The following DAB1 variants were observed in gnomAD, a reference collection of about 807,000 sequenced individuals.
The protein encoded by DAB1 is disabled homolog 1.
In DAB1, 15 loss-of-function variants were observed where a neutral mutation model predicts 64.6. The ratio of observed to expected loss-of-function variants is 0.23; its 90% CI spans 0.16 to 0.36. The LOEUF (loss-of-function observed/expected upper bound fraction) is 0.36, where lower values mean the gene tolerates loss of function less well. Among genes scored for constraint, DAB1 ranks in the 10% least tolerant of loss-of-function variants. DAB1 has a pLI of 1.00. For synonymous variants in DAB1, 235 were observed against 251.9 expected (o/e 0.93, Z 0.64); for missense variants, 596 against 706.7 (o/e 0.84, Z 1.78).
chr1:57,416,288 C>T (rs1684487099), intron 1 of DAB1, among the ~76,000 whole-genome samples: 1 of 152,138 alleles, frequency 6.6e-6, no homozygotes, highest in Admixed American at 6.5e-5. Context: ...AGAGATGCTT[C>T]TGTTGGCATG....
intron 1 of DAB1, among the ~76,000 whole-genome samples, chr1:57,319,043 C>A (rs1272514459): frequency 6.6e-6 from 1 of 152,190 alleles, no homozygotes; most frequent in Non-Finnish European, 1.5e-5. Context: ...ATGTCATCAG[C>A]ATTGGAGATC....
At chr1:57,574,550 C>A (rs1289834691) in intron 7 of DAB1, among the ~76,000 whole-genome samples, 1 of 152,138 alleles carries the variant, frequency 6.6e-6, no homozygotes. Flanking sequence ...CTGACCAGTA[C>A]GAGATTCAAT....
chr1:57,741,334 G>T (rs1647981262), intron 6 of DAB1, among the ~76,000 whole-genome samples: 1 of 151,994 alleles, frequency 6.6e-6, no homozygotes, highest in African/African-American at 2.4e-5. Flanking sequence ...GAACTTAATG[G>T]ATTTCATTTT....
chr1:57,211,693 CCT>C (rs1269109387), intron 2 of DAB1, among the ~76,000 whole-genome samples: 1 of 152,042 alleles, frequency 6.6e-6, no homozygotes, highest in Admixed American at 6.6e-5. Context: ...TACAGTCAGC[CCT>C]CTGTAATCAC....
intron 14 of DAB1, among the ~76,000 whole-genome samples, chr1:57,007,755 T>C (rs562930169): frequency 6.6e-4 from 101 of 152,324 alleles, no homozygotes; most frequent in Non-Finnish European, 1.2e-3. Context: ...GACAGGACTC[T>C]TGCTTTCCAA....
intron 7 of DAB1, among the ~76,000 whole-genome samples, chr1:57,484,819 AAG>A (rs553564664): frequency 6.6e-5 from 10 of 152,004 alleles, no homozygotes; most frequent in Non-Finnish European, 1.2e-4. Flanking sequence ...GAGAGAGAGA[AAG>A]AGAATATTGG....
chr1:58,433,567 AAGAGAG>A (rs67547933), intron 3 of DAB1, among the ~76,000 whole-genome samples: 3,704 of 114,392 alleles, frequency 0.032, 78 homozygotes, highest in Non-Finnish European at 0.046. Flanking sequence ...GTCCATGCAT[AAGAGAG>A]AGAGAGAGAG....
At chr1:57,432,378 G>C (rs1685550496) in intron 7 of DAB1, among the ~76,000 whole-genome samples, 1 of 151,786 alleles carries the variant, frequency 6.6e-6, no homozygotes, top group Non-Finnish European at 1.5e-5. Context: ...ACCAGCTCCA[G>C]AGTTGGACAG....
chr1:57,491,154 C>T (rs9436133), intron 7 of DAB1, among the ~76,000 whole-genome samples: 13,230 of 152,122 alleles, frequency 0.087, 1,386 homozygotes, highest in African/African-American at 0.25. Context: ...TTTGGCTGGG[C>T]GCGGTGGCTC....
At chr1:57,284,947 T>A (rs1293600005) in intron 2 of DAB1, among the ~76,000 whole-genome samples, 3 of 152,244 alleles carry the variant, frequency 2.0e-5, no homozygotes, top group Non-Finnish European at 4.4e-5. Context: ...ACCTGAGGCA[T>A]CTGCCCTGTG....
intron 3 of DAB1, among the ~76,000 whole-genome samples, chr1:58,376,626 G>A (rs1169283655): frequency 6.8e-6 from 1 of 146,572 alleles, no homozygotes; most frequent in African/African-American, 2.5e-5. Context: ...GAATAGGTGT[G>A]GTGTGGTGCT....
At chr1:57,461,391 TTAAAC>T (rs1417999094) in intron 7 of DAB1, among the ~76,000 whole-genome samples, 2 of 152,180 alleles carry the variant, frequency 1.3e-5, no homozygotes, top group South Asian at 4.1e-4. Flanking sequence ...CCACTCCACT[TTAAAC>T]TAAAATATGT....
At chr1:58,188,839 A>C (rs956012208) in intron 4 of DAB1, among the ~76,000 whole-genome samples, 7 of 152,226 alleles carry the variant, frequency 4.6e-5, no homozygotes, top group African/African-American at 1.7e-4. Flanking sequence ...ACCAAAGCTG[A>C]AGGTAGCTGA....
chr1:57,432,155 G>C (rs1685542306), intron 7 of DAB1, among the ~76,000 whole-genome samples: 1 of 151,460 alleles, frequency 6.6e-6, no homozygotes, highest in Admixed American at 6.6e-5. Context: ...AATGCTTACA[G>C]AGTATCGAAA....
At chr1:57,269,185 T>A (rs1022690018) in intron 2 of DAB1, among the ~76,000 whole-genome samples, 4 of 152,006 alleles carry the variant, frequency 2.6e-5, no homozygotes, top group African/African-American at 9.7e-5. Context: ...CACCAGCACC[T>A]CCCATTTGTT....
chr1:57,861,370 T>C (rs1654019336), intron 1 of DAB1, among the ~76,000 whole-genome samples: 1 of 152,220 alleles, frequency 6.6e-6, no homozygotes. Flanking sequence ...ATGAGGGCCC[T>C]CTTCTGGGTT....
chr1:58,534,703 G>T (rs1326296821), intron 1 of DAB1, among the ~76,000 whole-genome samples: 2 of 152,250 alleles, frequency 1.3e-5, no homozygotes, highest in African/African-American at 4.8e-5. Context: ...GGGAGGCCAA[G>T]GCAGGAGGAT....
intron 4 of DAB1, among the ~76,000 whole-genome samples, chr1:57,107,377 T>A (rs1655264705): frequency 2.2e-5 from 3 of 139,094 alleles, no homozygotes; most frequent in Non-Finnish European, 4.6e-5. Flanking sequence ...TCTGTTTCAT[T>A]AAAAAAAAAA....
At position 58,265,273 on chromosome 1, in the gene DAB1, T is replaced by C. The variant is rs114328443; in HGVS notation, n.309+78079A>G. Reference sequence around the variant, plus strand: ...CAATGTGAAACTGCAGACCACAGATTCAATCCCAGATTGGTCTAAAGGCAA... The same window carrying C: ...CAATGTGAAACTGCAGACCACAGATCCAATCCCAGATTGGTCTAAAGGCAA... On this transcript the variant is annotated intron_variant and non_coding_transcript_variant, in intron 4 of 20. Transcript: ENST00000485760. 8.9e-3 allele frequency among the ~76,000 whole-genome samples: 1,352 copies of C among 152,324 alleles called. 22 individuals are homozygous for C. The highest frequency in any genetic ancestry group is 0.03 in the African/African-American group (1,251 of 41,570).
Sources: allele counts gnomAD v4.1 joint callset (sites outside exome capture counted in the v4.1 genomes callset), GRCh38; gene constraint gnomAD v4.1.1; transcripts MANE v1.5; gene names NCBI Gene and HGNC (gene_info 2026-07-23, HGNC 2026-07-21).